The following FOXP1 variants were observed in gnomAD, a reference collection of about 807,000 sequenced individuals.
FOXP1 encodes forkhead box P1.
A neutral mutation model predicts 98.2 loss-of-function variants in FOXP1; 15 were observed. The ratio of observed to expected loss-of-function variants is 0.15; its 90% CI spans 0.10 to 0.24. FOXP1 has a LOEUF of 0.24. Ranked by LOEUF, FOXP1 falls within the 10% of genes least tolerant of loss-of-function variation. FOXP1 has a pLI of 1.00. For synonymous variants in FOXP1, 371 were observed against 314.5 expected, an observed-to-expected ratio of 1.18 and a Z score of -1.90; for missense variants, 633 against 848.5, an observed-to-expected ratio of 0.75 and a Z score of 3.15.
intron 3 of FOXP1, among the ~76,000 whole-genome samples, chr3:71,413,086 G>A (rs1040969014): frequency 2.6e-5 from 4 of 151,694 alleles, no homozygotes; most frequent in African/African-American, 7.3e-5. Context: ...ACCAAAAACC[G>A]ACAAACAGCC....
intron 2 of FOXP1, among the ~76,000 whole-genome samples, chr3:71,578,788 CA>C (rs2047919573): frequency 6.6e-6 from 1 of 152,116 alleles, no homozygotes; most frequent in Non-Finnish European, 1.5e-5. Flanking sequence ...TTTACAAGGC[CA>C]GGGGTATAGT....
At chr3:71,410,080 C>A (rs2082625229) in intron 3 of FOXP1, among the ~76,000 whole-genome samples, 1 of 152,162 alleles carries the variant, frequency 6.6e-6, no homozygotes. Flanking sequence ...GTTATTTTAC[C>A]TCTCTCAGTG....
chr3:71,079,625 T>C (rs924612287), intron 7 of FOXP1, among the ~76,000 whole-genome samples: 2 of 152,220 alleles, frequency 1.3e-5, no homozygotes, highest in East Asian at 1.9e-4. Context: ...ATTGTTACTA[T>C]TTGACAATTA....
At chr3:71,029,784 A>ATGTT (rs1470608619) in intron 11 of FOXP1, among the ~76,000 whole-genome samples, 1 of 152,064 alleles carries the variant, frequency 6.6e-6, no homozygotes, top group African/African-American at 2.4e-5. Flanking sequence ...GTCTGTTTCT[A>ATGTT]TGTTTGTTTT....
intron 4 of FOXP1, chr3:71,332,280 G>A (rs1277991472): frequency 3.2e-5 from 5 of 156,176 alleles, no homozygotes; most frequent in Non-Finnish European, 5.6e-5. Flanking sequence ...GAGCTGTAAC[G>A]CTCACCGCGA....
At chr3:71,131,187 T>G (rs1007831893) in intron 6 of FOXP1, among the ~76,000 whole-genome samples, 1 of 152,138 alleles carries the variant, frequency 6.6e-6, no homozygotes, top group Non-Finnish European at 1.5e-5. Context: ...GTCCTTTACA[T>G]TTTCTTTCTC....
intron 5 of FOXP1, among the ~76,000 whole-genome samples, chr3:71,261,168 G>A (rs2069104875): frequency 6.6e-6 from 1 of 152,050 alleles, no homozygotes; most frequent in Admixed American, 6.5e-5. Context: ...AAGTAATACA[G>A]GCCTCTCGCA....
At position 70,955,795 on chromosome 3, in the gene FOXP1, A is replaced by C; in HGVS notation, c.*3452T>G. The C allele has an allele frequency of 4.3e-6, 1 of 232,926 alleles. No homozygotes were observed. The allele number at this position is 232,926 out of a possible 1,614,324, so 14.4% of individuals were successfully genotyped here. A position where few individuals can be genotyped will look rare whatever the true frequency, so the allele number is the denominator to read the frequency against. ...TGGTAGGATAAACACAAGGGATAGG[A>C]ATGTATCAAAAAACAGATTAACACA... On this transcript the variant is annotated 3_prime_UTR_variant, in exon 21 of 21. Coordinates refer to ENST00000649528, the MANE Select transcript of FOXP1 (RefSeq NM_001349338.3).
chr3:71,277,643 C>T (rs2071054759), intron 5 of FOXP1, among the ~76,000 whole-genome samples: 1 of 152,032 alleles, frequency 6.6e-6, no homozygotes, highest in Non-Finnish European at 1.5e-5. Context: ...TCAAGCATGC[C>T]AAGTTCACTC....
At chr3:71,346,471 T>A (rs2077367790) in intron 4 of FOXP1, among the ~76,000 whole-genome samples, 2 of 152,188 alleles carry the variant, frequency 1.3e-5, no homozygotes, top group African/African-American at 4.8e-5. Context: ...TCCAAGGTTA[T>A]TTTAAAGGAA....
intron 11 of FOXP1, chr3:71,040,199 T>C (rs1271658220): frequency 6.6e-6 from 1 of 151,976 alleles, no homozygotes; most frequent in Non-Finnish European, 1.5e-5. Context: ...AATTAAACAG[T>C]AGGCTTCTTA....
At chr3:71,541,283 T>G (rs953106933) in intron 2 of FOXP1, among the ~76,000 whole-genome samples, 1 of 152,210 alleles carries the variant, frequency 6.6e-6, no homozygotes, top group Non-Finnish European at 1.5e-5. Context: ...TTTGGGCATA[T>G]GTAGACATAC....
At position 71,112,529 on chromosome 3, in the gene FOXP1, T is replaced by C; in HGVS notation, c.282+7A>G. ...AATGTCAATTTAAAAAGAAAAAGAA[T>C]TGTTACCTGAAGAGCTGGTTGTTTG... On this transcript the variant is annotated splice_region_variant and intron_variant, in intron 7 of 20. Coordinates refer to ENST00000649528, the MANE Select transcript of FOXP1 (RefSeq NM_001349338.3). 1.9e-6 allele frequency: 3 copies of C among 1,603,588 alleles called. No individual in the cohort carries two copies. Among genetic ancestry groups the C allele is most frequent in the East Asian group, 2.2e-5 (1 of 44,834 alleles).
chr3:71,244,503 G>GAAAA (rs59857852), intron 5 of FOXP1, among the ~76,000 whole-genome samples: 3 of 142,016 alleles, frequency 2.1e-5, no homozygotes, highest in Middle Eastern at 3.7e-3. Context: ...TTGAAAAAGG[G>GAAAA]AAAAAAAAAA....
At chr3:71,423,562 A>G (rs1339619645) in intron 3 of FOXP1, among the ~76,000 whole-genome samples, 3 of 152,226 alleles carry the variant, frequency 2.0e-5, no homozygotes, top group Non-Finnish European at 1.5e-5. Flanking sequence ...GCTGGCTGGC[A>G]TGCTCAGACA....
At chr3:71,479,805 T>A (rs1431824899) in intron 3 of FOXP1, among the ~76,000 whole-genome samples, 2 of 152,106 alleles carry the variant, frequency 1.3e-5, no homozygotes, top group Non-Finnish European at 2.9e-5. Flanking sequence ...GAACAACTAA[T>A]CTTGGTTATG....
chr3:71,124,466 A>C (rs2059012516), intron 6 of FOXP1, among the ~76,000 whole-genome samples: 1 of 149,816 alleles, frequency 6.7e-6, no homozygotes, highest in Non-Finnish European at 1.5e-5. Context: ...TAACTACAAT[A>C]GTTAAATTAT....
At chr3:71,361,812 G>A (rs556951514) in intron 3 of FOXP1, among the ~76,000 whole-genome samples, 1 of 152,158 alleles carries the variant, frequency 6.6e-6, no homozygotes. Context: ...ACTAACCAGC[G>A]CTTAGCTTCC....
intron 3 of FOXP1, among the ~76,000 whole-genome samples, chr3:71,491,790 A>G (rs1183862238): frequency 6.6e-6 from 1 of 152,208 alleles, no homozygotes; most frequent in Non-Finnish European, 1.5e-5. Context: ...CAATAAAACT[A>G]AAGTATTTTT....
Sources: allele counts gnomAD v4.1 joint callset (sites outside exome capture counted in the v4.1 genomes callset), GRCh38; gene constraint gnomAD v4.1.1; transcripts MANE v1.5; gene names NCBI Gene and HGNC (gene_info 2026-07-23, HGNC 2026-07-21).